Variants in NDUFA5 observed in about 807,000 individuals in gnomAD.
NDUFA5 encodes NADH:ubiquinone oxidoreductase subunit A5.
Under a neutral mutation model 19.8 loss-of-function variants are expected in NDUFA5, and 11 were observed. The observed-to-expected ratio is 0.56, with a 90% CI of 0.35 to 0.92. The LOEUF is 0.92. Among genes scored for constraint, NDUFA5 ranks in the 40% least tolerant of loss-of-function variants. The pLI is 0.01. For missense variants in NDUFA5, 109 were observed against 134.2 expected (o/e 0.81, Z 0.93); for synonymous variants, 47 against 46.8 (o/e 1.00, Z -0.01).
the NDUFA5 span, among the ~76,000 whole-genome samples, chr7:123,590,491 T>C: frequency 6.6e-6 from 1 of 152,166 alleles, no homozygotes; most frequent in Non-Finnish European, 1.5e-5. Context: ...CTTGAGTTAA[T>C]GTTTTGTAGG....
At chr7:123,566,780 C>T in the NDUFA5 span, among the ~76,000 whole-genome samples, 1 of 152,092 alleles carries the variant, frequency 6.6e-6, no homozygotes, top group Non-Finnish European at 1.5e-5. Context: ...TATTTGGATA[C>T]CCTAAGTCAC....
the NDUFA5 span, among the ~76,000 whole-genome samples, chr7:123,589,896 C>G: frequency 6.6e-6 from 1 of 152,190 alleles, no homozygotes; most frequent in African/African-American, 2.4e-5. Flanking sequence ...AATCGCCACG[C>G]TGTCTTCCAC....
At chr7:123,587,054 C>G in the NDUFA5 span, among the ~76,000 whole-genome samples, 1 of 151,550 alleles carries the variant, frequency 6.6e-6, no homozygotes, top group Non-Finnish European at 1.5e-5. Flanking sequence ...CATTTAAGGT[C>G]TTTTTTGGTT....
chr7:123,574,423 C>T, the NDUFA5 span, among the ~76,000 whole-genome samples: 1 of 152,078 alleles, frequency 6.6e-6, no homozygotes, highest in Admixed American at 6.6e-5. Flanking sequence ...TGATCCTATC[C>T]CCAGGCCCCC....
At chr7:123,544,192 A>C (rs1252013140) in intron 4 of NDUFA5, among the ~76,000 whole-genome samples, 1 of 152,152 alleles carries the variant, frequency 6.6e-6, no homozygotes, top group African/African-American at 2.4e-5. Context: ...GGAACAACAA[A>C]ATTTCACCAA....
chr7:123,591,090 G>T, the NDUFA5 span, among the ~76,000 whole-genome samples: 5 of 152,062 alleles, frequency 3.3e-5, no homozygotes, highest in African/African-American at 4.8e-5. Context: ...TCATAATTTG[G>T]CTCTCTGTTT....
the NDUFA5 span, among the ~76,000 whole-genome samples, chr7:123,567,384 G>A: frequency 6.6e-6 from 1 of 152,162 alleles, no homozygotes; most frequent in African/African-American, 2.4e-5. Context: ...GCCAGATCCA[G>A]GTGACTTAGA....
the NDUFA5 span, among the ~76,000 whole-genome samples, chr7:123,590,392 T>C: frequency 6.6e-6 from 1 of 152,244 alleles, no homozygotes; most frequent in Non-Finnish European, 1.5e-5. Flanking sequence ...ATGAAGTCTT[T>C]GCTCACGCCT....
At chr7:123,593,097 G>C in the NDUFA5 span, among the ~76,000 whole-genome samples, 1 of 151,752 alleles carries the variant, frequency 6.6e-6, no homozygotes, top group Non-Finnish European at 1.5e-5. Context: ...TGCAGCCCCT[G>C]CTTTTTTTTT....
chr7:123,581,609 T>G, the NDUFA5 span, among the ~76,000 whole-genome samples: 34,916 of 151,692 alleles, frequency 0.23, 4,152 homozygotes, highest in East Asian at 0.4. Flanking sequence ...TAAACTGATA[T>G]ACATCAAATT....
the NDUFA5 span, among the ~76,000 whole-genome samples, chr7:123,574,124 G>A: frequency 6.6e-6 from 1 of 151,636 alleles, no homozygotes; most frequent in Admixed American, 6.6e-5. Flanking sequence ...CACATTCTTT[G>A]CCAAAATGTT....
Position 123,541,792 on chromosome 7 carries a change from G to T in NDUFA5, c.*327C>A, listed in dbSNP as rs1440277869. ...AACTTAAAAAATTAAATGATGTATTGAACATACTACTAAAGAAAGTTTACT... is the reference window on the plus strand; with the variant it reads ...AACTTAAAAAATTAAATGATGTATTTAACATACTACTAAAGAAAGTTTACT... On this transcript the variant is annotated 3_prime_UTR_variant, in exon 5 of 5. Transcript: ENST00000355749. The T allele has an allele frequency of 6.2e-6, 1 of 162,330 alleles. No homozygotes were observed. Among genetic ancestry groups the T allele is most frequent in the South Asian group, 1.8e-4 (1 of 5,424 alleles). The allele number at this position is 162,330 out of a possible 1,614,324, so 10.1% of individuals were successfully genotyped here.
At chr7:123,574,171 A>T in the NDUFA5 span, among the ~76,000 whole-genome samples, 1 of 151,138 alleles carries the variant, frequency 6.6e-6, no homozygotes, top group Non-Finnish European at 1.5e-5. Flanking sequence ...CTTTTTTTAT[A>T]TAAAATTGAT....
At position 123,550,094 on chromosome 7, in the gene NDUFA5, G is replaced by GA. The variant is rs568392383; in HGVS notation, c.183+375dup. ...TCTAGTCTTTTTGACAGGTTTCTTT[G>GA]AAAAAAAAATGCCCTTTTTTGTTTT... On this transcript the variant is annotated intron_variant, in intron 3 of 4. Transcript: ENST00000355749. 2.7e-3 allele frequency: 467 copies of GA among 175,792 alleles called. 3 individuals carry two copies. Among genetic ancestry groups the GA allele is most frequent in the African/African-American group, 9.0e-3 (370 of 41,022 alleles). The allele number at this position is 175,792 out of a possible 1,614,324, so 10.9% of individuals were successfully genotyped here.
At chr7:123,556,856 A>G (rs769806062) in intron 2 of NDUFA5, 2 of 512,532 alleles carry the variant, frequency 3.9e-6, no homozygotes, top group Admixed American at 2.0e-5. Context: ...TCAAGGGTGA[A>G]TAAGAAAGAA....
At chr7:123,599,095 C>T in the NDUFA5 span, among the ~76,000 whole-genome samples, 1 of 151,788 alleles carries the variant, frequency 6.6e-6, no homozygotes, top group South Asian at 2.1e-4. Context: ...ATCACTGACC[C>T]CAAGGCCAAA....
At chr7:123,557,849 T>C, upstream of NDUFA5, 3 of 1,613,654 alleles carry the variant, frequency 1.9e-6, no homozygotes, top group Non-Finnish European at 2.5e-6. Context: ...TTCTCAGACC[T>C]GCTCAATCGA....
At chr7:123,543,557 T>C (rs1017730596) in intron 4 of NDUFA5, among the ~76,000 whole-genome samples, 5 of 152,276 alleles carry the variant, frequency 3.3e-5, no homozygotes, top group Admixed American at 6.5e-5. Flanking sequence ...AATATCTCAA[T>C]ATTTTTATGA....
chr7:123,552,636 T>TAAAAAAAAA (rs774901648), intron 2 of NDUFA5, among the ~76,000 whole-genome samples: 11 of 67,378 alleles, frequency 1.6e-4, no homozygotes, highest in East Asian at 4.5e-4. Flanking sequence ...AAAGTATAAC[T>TAAAAAAAAA]AAAAAAAAAA....
Sources: gnomAD v4.1 joint callset for allele counts (sites outside exome capture counted in the v4.1 genomes callset) on GRCh38, gnomAD v4.1.1 for gene constraint, MANE v1.5 for transcripts, NCBI Gene and HGNC (gene_info 2026-07-23, HGNC 2026-07-21) for gene names.